ARHGAP26: variants seen among roughly 807,000 people sequenced by gnomAD.
ARHGAP26 encodes rho GTPase-activating protein 26.
A neutral mutation model predicts 104.8 loss-of-function variants in ARHGAP26; 38 were observed. The ratio of observed to expected loss-of-function variants is 0.36; its 90% CI spans 0.28 to 0.48. The LOEUF (loss-of-function observed/expected upper bound fraction) is 0.48. Ranked by LOEUF, ARHGAP26 falls within the 20% of genes least tolerant of loss-of-function variation. The pLI is 0.99. For missense variants in ARHGAP26, 704 were observed against 947.9 expected (o/e 0.74, Z 3.38); for synonymous variants, 341 against 340.0 (o/e 1.00, Z -0.03).
At chr5:142,881,998 C>T (rs1273326178) in intron 4 of ARHGAP26, among the ~76,000 whole-genome samples, 2 of 152,198 alleles carry the variant, frequency 1.3e-5, no homozygotes, top group Non-Finnish European at 2.9e-5. Context: ...GGCACGACCC[C>T]TGGTGCTTGA....
intron 13 of ARHGAP26, among the ~76,000 whole-genome samples, chr5:143,039,821 T>C (rs1316295603): frequency 6.6e-6 from 1 of 152,086 alleles, no homozygotes; most frequent in Non-Finnish European, 1.5e-5. Context: ...ATACAATAAG[T>C]AGGAGAAGAA....
chr5:142,826,148 GA>G (rs1767211564), intron 1 of ARHGAP26, among the ~76,000 whole-genome samples: 1 of 152,202 alleles, frequency 6.6e-6, no homozygotes, highest in South Asian at 2.1e-4. Context: ...CAAGGAGGGG[GA>G]TATGATATGT....
At chr5:142,919,550 A>G (rs1450662983) in intron 10 of ARHGAP26, 1 of 397,426 alleles carries the variant, frequency 2.5e-6, no homozygotes, top group Non-Finnish European at 4.4e-6. Context: ...AGCAGCCTTT[A>G]AATGGATAAC....
chr5:143,012,544 C>CATATATATATATATATTTATATAT (rs1562259165), intron 11 of ARHGAP26, among the ~76,000 whole-genome samples: 1 of 43,080 alleles, frequency 2.3e-5, no homozygotes, highest in Non-Finnish European at 6.1e-5. Flanking sequence ...TATTTATATA[C>CATATATATATATATATTTATATAT]ATACATACAT....
chr5:142,855,676 A>G (rs1264393268), intron 1 of ARHGAP26, among the ~76,000 whole-genome samples: 1 of 152,132 alleles, frequency 6.6e-6, no homozygotes, highest in Non-Finnish European at 1.5e-5. Context: ...TTGGTTGCCT[A>G]TTATGTGTCA....
intron 20 of ARHGAP26, among the ~76,000 whole-genome samples, chr5:143,152,420 C>T (rs1342983110): frequency 6.6e-6 from 1 of 152,138 alleles, no homozygotes; most frequent in Non-Finnish European, 1.5e-5. Context: ...TTTTTAAATC[C>T]AGATTTCCAG....
rs1298257012 is a variant in ARHGAP26 at position 142,885,409 on chromosome 5, T to G, written c.486+10T>G. The G allele has an allele frequency of 6.2e-7, 1 of 1,602,702 alleles. No homozygotes were observed. The highest frequency in any genetic ancestry group is 8.5e-7 in the Non-Finnish European group (1 of 1,170,962). ...ATCTCAGCTTCAGGAGGTAAGAGAC[T>G]TTATTAGTATCCTGAATAAAGTGTT... On this transcript the variant is annotated intron_variant, in intron 5 of 22. Transcript: ENST00000645722.
intron 5 of ARHGAP26, among the ~76,000 whole-genome samples, chr5:142,891,493 TCTTAA>T (rs1248828563): frequency 1.3e-5 from 2 of 152,020 alleles, no homozygotes; most frequent in African/African-American, 2.4e-5. Flanking sequence ...TGTAGTTTTC[TCTTAA>T]CTTACTTATT....
chr5:143,146,107 A>G (rs935891266), intron 19 of ARHGAP26, among the ~76,000 whole-genome samples: 1 of 152,198 alleles, frequency 6.6e-6, no homozygotes, highest in Non-Finnish European at 1.5e-5. Context: ...ATGATGTTTA[A>G]GTGAATTAAT....
intron 6 of ARHGAP26, among the ~76,000 whole-genome samples, chr5:142,900,638 C>T (rs140226632): frequency 0.011 from 1,664 of 151,756 alleles, 24 homozygotes; most frequent in African/African-American, 0.038. Context: ...ATTCCTTTAC[C>T]GTCACTTATT....
At chr5:143,053,504 G>A (rs574642456) in intron 14 of ARHGAP26, among the ~76,000 whole-genome samples, 1 of 152,250 alleles carries the variant, frequency 6.6e-6, no homozygotes, top group South Asian at 2.1e-4. Context: ...GACAGGATGG[G>A]GATCTGTGAA....
chr5:143,068,689 C>CT (rs1787849262), intron 17 of ARHGAP26, among the ~76,000 whole-genome samples: 1 of 152,200 alleles, frequency 6.6e-6, no homozygotes, highest in African/African-American at 2.4e-5. Context: ...TACAAAGAAT[C>CT]TTTCTCAATC....
At chr5:142,800,014 C>G (rs1761746015) in intron 1 of ARHGAP26, among the ~76,000 whole-genome samples, 1 of 152,204 alleles carries the variant, frequency 6.6e-6, no homozygotes, top group African/African-American at 2.4e-5. Context: ...TAAACGAACA[C>G]TTTTGACTCA....
intron 8 of ARHGAP26, among the ~76,000 whole-genome samples, chr5:142,904,943 G>T (rs549195344): frequency 6.6e-6 from 1 of 152,138 alleles, no homozygotes; most frequent in East Asian, 1.9e-4. Context: ...TCAAAAATTT[G>T]TTTGGACTTA....
At chr5:142,826,282 A>G (rs572879901) in intron 1 of ARHGAP26, among the ~76,000 whole-genome samples, 48 of 152,282 alleles carry the variant, frequency 3.2e-4, no homozygotes, top group Middle Eastern at 3.4e-3. Flanking sequence ...TTGTCCATAC[A>G]CTTGTCATGG....
At chr5:142,824,761 CAAT>C (rs1204037502) in intron 1 of ARHGAP26, among the ~76,000 whole-genome samples, 1 of 152,114 alleles carries the variant, frequency 6.6e-6, no homozygotes, top group Non-Finnish European at 1.5e-5. Context: ...AATGCATTGA[CAAT>C]GATAGGATTT....
At chr5:142,872,240 CAG>C (rs1342684571) in intron 1 of ARHGAP26, among the ~76,000 whole-genome samples, 1 of 152,062 alleles carries the variant, frequency 6.6e-6, no homozygotes, top group African/African-American at 2.4e-5. Flanking sequence ...TCCCTAACCT[CAG>C]GGGACAAATC....
intron 17 of ARHGAP26, among the ~76,000 whole-genome samples, chr5:143,094,630 G>A (rs950934982): frequency 3.2e-4 from 48 of 152,232 alleles, no homozygotes; most frequent in Admixed American, 2.6e-3. Flanking sequence ...ATGGAACAAT[G>A]GTGAGCACAC....
chr5:142,896,585 C>G (rs551622713), intron 6 of ARHGAP26, among the ~76,000 whole-genome samples: 3 of 152,290 alleles, frequency 2.0e-5, no homozygotes, highest in Non-Finnish European at 4.4e-5. Flanking sequence ...TTTTGTCTCT[C>G]CTCCCCCTCT....
Sources: gnomAD v4.1 joint callset for allele counts (sites outside exome capture counted in the v4.1 genomes callset) on GRCh38, gnomAD v4.1.1 for gene constraint, MANE v1.5 for transcripts, NCBI Gene and HGNC (gene_info 2026-07-23, HGNC 2026-07-21) for gene names.